The following SLC38A11 variants were observed in gnomAD, a reference collection of about 807,000 sequenced individuals.
SLC38A11 encodes solute carrier family 38 member 11, also known as putative sodium-coupled neutral amino acid transporter 11.
A neutral mutation model predicts 49.4 loss-of-function variants in SLC38A11; 51 were observed. The observed-to-expected ratio is 1.03, with a 90% confidence interval of 0.83 to 1.30. The LOEUF (loss-of-function observed/expected upper bound fraction) is 1.30. SLC38A11 is among the 50% of genes most tolerant of loss of function. The probability of loss-of-function intolerance (pLI) is 0.00; values close to 1 mark genes in which losing one functional copy is unlikely to be tolerated. For synonymous variants in SLC38A11, 203 were observed against 192.9 expected, an observed-to-expected ratio of 1.05 and a Z score of -0.43; for missense variants, 574 against 556.2, an observed-to-expected ratio of 1.03 and a Z score of -0.32.
chr2:164,903,689 G>A (rs1684809947), intron 11 of SLC38A11, among the ~76,000 whole-genome samples: 1 of 152,244 alleles, frequency 6.6e-6, no homozygotes, highest in Non-Finnish European at 1.5e-5. Flanking sequence ...TTTTGAAATT[G>A]CTTGACAGGA....
intron 7 of SLC38A11, among the ~76,000 whole-genome samples, chr2:164,918,044 A>G (rs2105467107): frequency 6.6e-6 from 1 of 152,118 alleles, no homozygotes; most frequent in South Asian, 2.1e-4. Context: ...TTTATAAAAT[A>G]GCCTAGGATT....
Position 164,911,766 on chromosome 2 carries a change from A to G in SLC38A11, c.851-18T>C, listed in dbSNP as rs912321822. The stretch of plus-strand genomic sequence containing the variant: ...TAAGTCCCCTAGATAGTAATATAAA[A>G]TAAGTTTATTTACTAGATACTAAAT... On this transcript the variant is annotated intron_variant, in intron 9 of 11. Coordinates refer to ENST00000685975, the MANE Select transcript of SLC38A11 (RefSeq NM_001351537.2). 3.5e-6 allele frequency: 5 copies of G among 1,416,900 alleles called. No individual in the cohort carries two copies. Among genetic ancestry groups the G allele is most frequent in the Non-Finnish European group, 4.9e-6 (5 of 1,028,040 alleles). 87.8% of individuals were successfully genotyped at this position (1,416,900 alleles called of 1,614,324 possible). A position where few individuals can be genotyped will look rare whatever the true frequency, so the allele number is the denominator to read the frequency against.
At position 164,954,742 on chromosome 2, in the gene SLC38A11, C is replaced by A; in HGVS notation, c.43G>T (p.Asp15Tyr). 4 of 1,482,086 alleles carry A rather than the reference C, an allele frequency of 2.7e-6. No homozygotes were observed. Among genetic ancestry groups the A allele is most frequent in the South Asian group, 2.6e-5 (2 of 76,984 alleles). The allele number at this position is 1,482,086 out of a possible 1,614,324, so 91.8% of individuals were successfully genotyped here. A position where few individuals can be genotyped will look rare whatever the true frequency, so the allele number is the denominator to read the frequency against. ...RQEPVIPPQR[D>Y]LDDRETLVSE... is the part of the protein sequence containing the mutation. ...ACAAGGGTTTCTCTGTCATCTAAAT[C>A]TCTCTAATAGATAAAATAGCAATTA... Residue 15 changes from aspartate to tyrosine, a missense_variant, in exon 2 of 12, where the codon GAT becomes TAT. Asp to Tyr is a radical substitution (Grantham distance 160). Transcript: ENST00000685975.
rs148413508 is a variant in SLC38A11, at chr2:164,927,126, C to T, written c.617+10224G>A. ...AAAGTGCTTGAGGAAGTGAGTTCAG[C>T]GTCTTTTTGTTCTTCCATCCCTTCC... On this transcript the variant is annotated intron_variant, in intron 7 of 11. Transcript: ENST00000685975. Among the ~76,000 whole-genome samples the T allele has an allele frequency of 2.4e-4, 36 of 152,232 alleles. No individual in the cohort carries two copies. The East Asian group carries it at 6.6e-3, about 28-fold the overall frequency.
At chr2:164,913,371 T>C (rs541778044) in intron 9 of SLC38A11, among the ~76,000 whole-genome samples, 1 of 152,186 alleles carries the variant, frequency 6.6e-6, no homozygotes, top group African/African-American at 2.4e-5. Flanking sequence ...CGAAAGTCAC[T>C]AGAAATGTCG....
chr2:164,948,962 G>C (rs890940076), intron 3 of SLC38A11, among the ~76,000 whole-genome samples: 2 of 150,158 alleles, frequency 1.3e-5, no homozygotes, highest in Middle Eastern at 3.2e-3. Flanking sequence ...CTCTTTTGAG[G>C]CTAGGTTAAA....
At chr2:164,912,562 G>A (rs746486746) in intron 9 of SLC38A11, 5 of 152,070 alleles carry the variant, frequency 3.3e-5, no homozygotes, top group Non-Finnish European at 7.4e-5. Flanking sequence ...CTGGGGAGCT[G>A]AATTTCCTGT....
Position 164,929,062 on chromosome 2 carries a change from A to G in SLC38A11, c.617+8288T>C, listed in dbSNP as rs544959393. 3.5e-4 allele frequency among the ~76,000 whole-genome samples: 53 copies of G among 152,176 alleles called. No individual in the cohort carries two copies. In the South Asian group the frequency reaches 9.3e-3, roughly 27 times the overall value. On this transcript the variant is annotated intron_variant, in intron 7 of 11. Coordinates refer to ENST00000685975, the MANE Select transcript of SLC38A11 (RefSeq NM_001351537.2). ...TCTCAAGCCACTGTTTTGCCATGTTACTTTCATTCATAGATGTTCTTCATA... is the reference window on the plus strand; with the variant it reads ...TCTCAAGCCACTGTTTTGCCATGTTGCTTTCATTCATAGATGTTCTTCATA...
chr2:164,939,355 A>C (rs1687586930), intron 6 of SLC38A11, 95 bp downstream of exon 6: 1 of 717,506 alleles, frequency 1.4e-6, no homozygotes, highest in Non-Finnish European at 2.3e-6. Flanking sequence ...AAGAAACTAA[A>C]GATGAATACC....
At chr2:164,936,444 A>G (rs555621763) in intron 7 of SLC38A11, among the ~76,000 whole-genome samples, 16 of 152,280 alleles carry the variant, frequency 1.1e-4, no homozygotes, top group Non-Finnish European at 8.8e-5. Context: ...GTTTCCTTTT[A>G]CATTTTTTCT....
intron 7 of SLC38A11, among the ~76,000 whole-genome samples, chr2:164,924,358 G>GA (rs1686419340): frequency 6.6e-6 from 1 of 152,058 alleles, no homozygotes; most frequent in Non-Finnish European, 1.5e-5. Flanking sequence ...GGCAAAGGTT[G>GA]AAAAAATACC....
chr2:164,909,404 A>T (rs1685244952), intron 10 of SLC38A11, among the ~76,000 whole-genome samples: 1 of 152,014 alleles, frequency 6.6e-6, no homozygotes, highest in Non-Finnish European at 1.5e-5. Context: ...ATGTCAGGGA[A>T]ATGATTCCTA....
At chr2:164,924,521 T>C (rs1329207924) in intron 7 of SLC38A11, among the ~76,000 whole-genome samples, 1 of 152,122 alleles carries the variant, frequency 6.6e-6, no homozygotes, top group Non-Finnish European at 1.5e-5. Context: ...TTGAAATTAT[T>C]TTAAAAGTAT....
At chr2:164,914,639 G>A (rs749017118) in intron 9 of SLC38A11, among the ~76,000 whole-genome samples, 7 of 151,180 alleles carry the variant, frequency 4.6e-5, no homozygotes, top group Non-Finnish European at 7.4e-5. Flanking sequence ...GGATTAGAGA[G>A]GGTAAAGAAA....
At chr2:164,912,652 C>T (rs1165245198) in intron 9 of SLC38A11, among the ~76,000 whole-genome samples, 1 of 152,008 alleles carries the variant, frequency 6.6e-6, no homozygotes, top group African/African-American at 2.4e-5. Flanking sequence ...CATGGCACCT[C>T]ATGAGCCCAA....
In SLC38A11 at chr2:164,894,516, C is replaced by T. The variant is rs1239666579; in HGVS notation, c.*3921G>A. On this transcript the variant is annotated 3_prime_UTR_variant, in exon 12 of 12. Coordinates refer to ENST00000685975, the MANE Select transcript of SLC38A11 (RefSeq NM_001351537.2). ...GTAATTTTCCAAGTAAGCCATTCTG[C>T]TGAGAGTTTAGTCCTTGGAAAACTT... 6.6e-6 allele frequency among the ~76,000 whole-genome samples: 1 copy of T among 152,146 alleles called. No individual in the cohort carries two copies. The highest frequency in any genetic ancestry group is 1.9e-4 in the East Asian group (1 of 5,190).
chr2:164,949,461 T>C (rs1180919276), intron 3 of SLC38A11, among the ~76,000 whole-genome samples: 1 of 152,180 alleles, frequency 6.6e-6, no homozygotes, highest in Non-Finnish European at 1.5e-5. Flanking sequence ...TTTCACCCTA[T>C]TGGCCAGGCT....
At chr2:164,930,731 A>C (rs1297121632) in intron 7 of SLC38A11, among the ~76,000 whole-genome samples, 7 of 152,186 alleles carry the variant, frequency 4.6e-5, no homozygotes, top group Non-Finnish European at 7.3e-5. Context: ...ACTCTGAATA[A>C]ACTAGGAATT....
chr2:164,905,672 T>C (rs1350493615), intron 11 of SLC38A11, among the ~76,000 whole-genome samples: 1 of 152,166 alleles, frequency 6.6e-6, no homozygotes, highest in Non-Finnish European at 1.5e-5. Flanking sequence ...TCCTAGATTT[T>C]ATTAATTCTT....
Sources: gnomAD v4.1 joint callset for allele counts (sites outside exome capture counted in the v4.1 genomes callset) on GRCh38, gnomAD v4.1.1 for gene constraint, MANE v1.5 for transcripts, NCBI Gene and HGNC (gene_info 2026-07-23, HGNC 2026-07-21) for gene names.